The following KCNJ6 variants were observed in gnomAD, a reference collection of about 807,000 sequenced individuals.
The protein encoded by KCNJ6 is potassium inwardly rectifying channel subfamily J member 6, also known as G protein-activated inward rectifier potassium channel 2.
A neutral mutation model predicts 34.2 loss-of-function variants in KCNJ6; 9 were observed. That is an observed-to-expected ratio of 0.26 (90% CI 0.16 to 0.46). KCNJ6 has a LOEUF of 0.46. Ranked by LOEUF, KCNJ6 falls within the 20% of genes least tolerant of loss-of-function variation. The probability of loss-of-function intolerance (pLI) is 1.00; values close to 1 mark genes in which losing one functional copy is unlikely to be tolerated. For synonymous variants in KCNJ6, 196 were observed against 207.1 expected (o/e 0.95, Z 0.46); for missense variants, 236 against 531.3 (o/e 0.44, Z 5.46).
intron 1 of KCNJ6, among the ~76,000 whole-genome samples, chr21:37,880,405 C>T (rs950340996): frequency 6.6e-6 from 1 of 152,220 alleles, no homozygotes; most frequent in Non-Finnish European, 1.5e-5. Flanking sequence ...CTCGCATCTA[C>T]AAAGGGCATG....
chr21:37,728,503 A>G (rs1403893341), intron 2 of KCNJ6, among the ~76,000 whole-genome samples: 1 of 152,232 alleles, frequency 6.6e-6, no homozygotes, highest in Non-Finnish European at 1.5e-5. Flanking sequence ...AAGCATAAAT[A>G]TATTTAAAAT....
rs571800187 is a variant in KCNJ6, at chr21:37,645,135, G to A, written c.947-19651C>T. ...CAAACTCGTAATCCCAGCAATTTGG[G>A]AGGCTGAGGCAGGAGGATCATTTGA... On this transcript the variant is annotated intron_variant, in intron 3 of 3. Transcript: ENST00000609713. 3.4e-4 allele frequency among the ~76,000 whole-genome samples: 52 copies of A among 152,094 alleles called. No homozygotes were observed. The South Asian group carries it at 0.011, about 32-fold the overall frequency.
rs2054286984 is a variant in KCNJ6 at position 37,620,531 on chromosome 21, A to C, written c.*4628T>G. ...GCTCACAAGTGGTACAATAACAGGC[A>C]GCAGGCCAGATTTTTTTTTTTTTAG... On this transcript the variant is annotated 3_prime_UTR_variant, in exon 4 of 4. Coordinates refer to ENST00000609713, the MANE Select transcript of KCNJ6 (RefSeq NM_002240.5). 6.6e-6 allele frequency: 1 copy of C among 151,868 alleles called. No individual in the cohort carries two copies. The highest frequency in any genetic ancestry group is 1.5e-5 in the Non-Finnish European group (1 of 67,970). The allele number at this position is 151,868 out of a possible 1,614,324, so 9.4% of individuals were successfully genotyped here.
chr21:37,709,737 G>T (rs1039513849), intron 3 of KCNJ6, among the ~76,000 whole-genome samples: 3 of 152,138 alleles, frequency 2.0e-5, no homozygotes, highest in African/African-American at 7.2e-5. Context: ...CTTCATCTGT[G>T]AAATGGGCAA....
rs1601390993 is a variant in KCNJ6 at position 37,623,464 on chromosome 21, GAACA to G, written c.*1691_*1694del. On this transcript the variant is annotated 3_prime_UTR_variant, in exon 4 of 4. Coordinates refer to ENST00000609713, the MANE Select transcript of KCNJ6 (RefSeq NM_002240.5). ...ATTTATGATGGGCAACTGTGTTAAA[GAACA>G]AACAGCTTATAAATGCAAAGTGAAT... is the stretch of plus-strand genomic sequence containing the variant. The G allele has an allele frequency of 6.6e-6, 1 of 152,192 alleles. No homozygotes were observed. Among genetic ancestry groups the G allele is most frequent in the East Asian group, 1.9e-4 (1 of 5,204 alleles). The allele number at this position is 152,192 out of a possible 1,614,324, so 9.4% of individuals were successfully genotyped here.
chr21:37,838,565 T>C (rs1409096642), intron 2 of KCNJ6, among the ~76,000 whole-genome samples: 2 of 152,180 alleles, frequency 1.3e-5, no homozygotes, highest in African/African-American at 4.8e-5. Context: ...CGTGGCGAAT[T>C]TGGACTTAAA....
chr21:37,760,017 C>T (rs945728117), intron 2 of KCNJ6, among the ~76,000 whole-genome samples: 1 of 152,200 alleles, frequency 6.6e-6, no homozygotes, highest in Non-Finnish European at 1.5e-5. Context: ...GAACGAATGC[C>T]TCTCACCCAC....
chr21:37,852,843 C>T (rs1276770544), intron 1 of KCNJ6, among the ~76,000 whole-genome samples: 1 of 151,896 alleles, frequency 6.6e-6, no homozygotes, highest in Admixed American at 6.6e-5. Context: ...TGGAGAAGAA[C>T]TGGAAAAAAA....
intron 2 of KCNJ6, among the ~76,000 whole-genome samples, chr21:37,739,235 TTTC>T (rs1199824774): frequency 4.6e-5 from 7 of 152,268 alleles, no homozygotes; most frequent in Non-Finnish European, 7.3e-5. Context: ...ATTTCACCTA[TTTC>T]TTTTTTCCTT....
At chr21:37,775,543 G>C (rs2055138041) in intron 2 of KCNJ6, among the ~76,000 whole-genome samples, 1 of 152,148 alleles carries the variant, frequency 6.6e-6, no homozygotes, top group African/African-American at 2.4e-5. Context: ...TGTAACGAAG[G>C]GATCTAGTTT....
chr21:37,780,799 T>C (rs1481997439), intron 2 of KCNJ6, among the ~76,000 whole-genome samples: 1 of 152,236 alleles, frequency 6.6e-6, no homozygotes, highest in African/African-American at 2.4e-5. Context: ...GATGCGATTA[T>C]TATGCATTGC....
intron 2 of KCNJ6, among the ~76,000 whole-genome samples, chr21:37,721,621 C>T (rs1403925155): frequency 6.6e-6 from 1 of 152,218 alleles, no homozygotes; most frequent in African/African-American, 2.4e-5. Context: ...TATGCTACAA[C>T]ATGGGTGAAC....
chr21:37,661,798 A>ATT (rs35700310), intron 3 of KCNJ6, among the ~76,000 whole-genome samples: 4 of 147,386 alleles, frequency 2.7e-5, no homozygotes, highest in African/African-American at 1.0e-4. Context: ...AATTTTTTCT[A>ATT]TTTTTTTTTT....
intron 1 of KCNJ6, among the ~76,000 whole-genome samples, chr21:37,868,574 A>C (rs1001349217): frequency 6.6e-6 from 1 of 152,156 alleles, no homozygotes; most frequent in Non-Finnish European, 1.5e-5. Flanking sequence ...GATTTGTGGG[A>C]AAAATATAAA....
At chr21:37,626,858 C>G (rs913393053) in intron 3 of KCNJ6, among the ~76,000 whole-genome samples, 2 of 151,996 alleles carry the variant, frequency 1.3e-5, no homozygotes, top group African/African-American at 4.8e-5. Context: ...ATCTTTATGC[C>G]AACACAGTTG....
intron 1 of KCNJ6, among the ~76,000 whole-genome samples, chr21:37,903,676 A>G (rs2836045): frequency 0.075 from 11,367 of 152,122 alleles, 449 homozygotes; most frequent in Non-Finnish European, 0.08. Flanking sequence ...CTCTCCATGT[A>G]TAAGTCTTGC....
chr21:37,881,248 A>C (rs1159487833), intron 1 of KCNJ6, among the ~76,000 whole-genome samples: 1 of 152,230 alleles, frequency 6.6e-6, no homozygotes, highest in Non-Finnish European at 1.5e-5. Flanking sequence ...AGTTGTAGAA[A>C]GTAAATATAT....
At chr21:37,761,822 T>C (rs1301545641) in intron 2 of KCNJ6, among the ~76,000 whole-genome samples, 2 of 152,086 alleles carry the variant, frequency 1.3e-5, no homozygotes, top group African/African-American at 4.8e-5. Flanking sequence ...TTGTGTGTCG[T>C]GTGGTGTCTC....
chr21:37,820,524 A>G (rs749451901), intron 2 of KCNJ6, among the ~76,000 whole-genome samples: 5 of 152,144 alleles, frequency 3.3e-5, no homozygotes, highest in Admixed American at 6.5e-5. Flanking sequence ...ACTGCTTCAG[A>G]TGTCAGCAGC....
Sources: allele counts gnomAD v4.1 joint callset (sites outside exome capture counted in the v4.1 genomes callset), GRCh38; gene constraint gnomAD v4.1.1; transcripts MANE v1.5; gene names NCBI Gene and HGNC (gene_info 2026-07-23, HGNC 2026-07-21).